The following CASP5 variants were observed in gnomAD, a reference collection of about 807,000 sequenced individuals.
CASP5 encodes caspase 5, also known as caspase-5.
Under a neutral mutation model 45.2 loss-of-function variants are expected in CASP5, and 42 were observed. That is an observed-to-expected ratio of 0.93 (90% CI 0.73 to 1.20). The LOEUF (loss-of-function observed/expected upper bound fraction) is 1.20. Among genes scored for constraint, CASP5 ranks in the 50% most tolerant of loss-of-function variants. The pLI, the probability that CASP5 is intolerant of heterozygous loss-of-function variation, is 0.00. For missense variants in CASP5, 512 were observed against 532.2 expected, an observed-to-expected ratio of 0.96 and a Z score of 0.37; for synonymous variants, 209 against 186.2, an observed-to-expected ratio of 1.12 and a Z score of -1.00.
intron 7 of CASP5, among the ~76,000 whole-genome samples, chr11:104,998,072 TA>T (rs1861545778): frequency 6.6e-6 from 1 of 152,178 alleles, no homozygotes; most frequent in African/African-American, 2.4e-5. Context: ...AGATCTTATG[TA>T]AATTATCCTT....
At position 105,005,356 on chromosome 11, in the gene CASP5, A is replaced by G. The variant is rs76900659; in HGVS notation, c.433+1727T>C. 8.3e-3 allele frequency among the ~76,000 whole-genome samples: 1,158 copies of G among 139,318 alleles called. 3 individuals carry two copies. Among genetic ancestry groups the G allele is most frequent in the African/African-American group, 0.015 (524 of 34,344 alleles). 91.4% of individuals were successfully genotyped at this position (139,318 alleles called of 152,430 possible). On this transcript the variant is annotated intron_variant, in intron 3 of 9. Transcript: ENST00000260315. ...ATCGGTATATAGTGTGTATATATAT[A>G]TGTGTGTGTGTGTGTGTGTGTGTGT...
At chr11:105,009,756 TATACAC>T (rs1414599533) in intron 1 of CASP5, among the ~76,000 whole-genome samples, 16 of 93,244 alleles carry the variant, frequency 1.7e-4, no homozygotes, top group African/African-American at 4.7e-4. Flanking sequence ...TATATATATA[TATACAC>T]ACACACACGT....
Position 105,007,254 on chromosome 11 carries a change from C to A in CASP5, c.262G>T (p.Ala88Ser). ...TTCAATGTCAGAACATCGTGTTTTG[C>A]CAAATAATTAAAAACACCATGAAGA... ...DVLHGVFNYLAKHDVLTLKEE... is the reference protein window; with the variant it reads ...DVLHGVFNYLSKHDVLTLKEE... Residue 88 changes from alanine to serine, a missense_variant, in exon 3 of 10, where the codon GCA becomes TCA. Physicochemically the swap from Ala to Ser is moderately conservative, Grantham distance 99. Transcript: ENST00000260315. The A allele has an allele frequency of 6.2e-7, 1 of 1,612,332 alleles. No individual in the cohort carries two copies. The highest frequency in any genetic ancestry group is 1.1e-5 in the South Asian group (1 of 91,030).
At chr11:105,006,331 T>C (rs1265862897) in intron 3 of CASP5, among the ~76,000 whole-genome samples, 2 of 152,198 alleles carry the variant, frequency 1.3e-5, no homozygotes, top group African/African-American at 4.8e-5. Context: ...TATACTTCAT[T>C]TGTTTATTCA....
At position 105,002,136 on chromosome 11, in the gene CASP5, A is replaced by T; in HGVS notation, c.609T>A (p.Phe203Leu). 6.2e-7 allele frequency: 1 copy of T among 1,614,158 alleles called. No individual in the cohort carries two copies. Among genetic ancestry groups the T allele is most frequent in the Non-Finnish European group, 8.5e-7 (1 of 1,180,014 alleles). Residue 203 changes from phenylalanine (F) to leucine (L), a missense_variant, in exon 5 of 10, where the codon TTT becomes TTA. By Grantham distance (22) the Phe-to-Leu change is conservative. Transcript: ENST00000260315. ...CCCCATTCCTTGCAGGCAGGTGATC[A>T]AACTTTGTATTGCATATGATGAGAG... ...RLALIICNTKFDHLPARNGAH... is the reference protein window; with the variant it reads ...RLALIICNTKLDHLPARNGAH...
chr11:105,000,986 A>G (rs1861697896), intron 5 of CASP5, among the ~76,000 whole-genome samples: 1 of 152,124 alleles, frequency 6.6e-6, no homozygotes, highest in Non-Finnish European at 1.5e-5. Context: ...TTTTCAGCTC[A>G]GCTCTTTCAC....
chr11:105,016,463 A>G (rs983089371), intron 1 of CASP5, among the ~76,000 whole-genome samples: 1 of 152,180 alleles, frequency 6.6e-6, no homozygotes, highest in Non-Finnish European at 1.5e-5. Context: ...ACCGTGTGCA[A>G]GCCGAAGCAG....
At chr11:105,018,945 A>G (rs2134762461) in intron 1 of CASP5, among the ~76,000 whole-genome samples, 1 of 151,088 alleles carries the variant, frequency 6.6e-6, no homozygotes, top group African/African-American at 2.4e-5. Flanking sequence ...CAGAAATTAT[A>G]ACAAACTATC....
At chr11:105,019,345 C>CA (rs1236750156) in intron 1 of CASP5, among the ~76,000 whole-genome samples, 1 of 149,756 alleles carries the variant, frequency 6.7e-6, no homozygotes, top group Non-Finnish European at 1.5e-5. Flanking sequence ...AAAAACCCTT[C>CA]AAAAAATTAA....
At chr11:105,009,720 CAT>C (rs199695891) in intron 1 of CASP5, among the ~76,000 whole-genome samples, 3,827 of 63,738 alleles carry the variant, frequency 0.06, 72 homozygotes, top group Non-Finnish European at 0.083. Flanking sequence ...TATATACACA[CAT>C]ATATATATAT....
chr11:104,999,902 A>G (rs973459183), intron 6 of CASP5, among the ~76,000 whole-genome samples: 4 of 152,208 alleles, frequency 2.6e-5, no homozygotes, highest in East Asian at 1.9e-4. Context: ...TTCAAGTGCA[A>G]ATTCTTCAGA....
At chr11:105,014,042 C>G (rs1267778913) in intron 1 of CASP5, among the ~76,000 whole-genome samples, 1 of 152,044 alleles carries the variant, frequency 6.6e-6, no homozygotes, top group Non-Finnish European at 1.5e-5. Context: ...CCTTATAAAC[C>G]TTCTTTTTGT....
intron 2 of CASP5, among the ~76,000 whole-genome samples, chr11:105,008,339 C>T (rs1862107916): frequency 6.6e-6 from 1 of 152,006 alleles, no homozygotes; most frequent in Admixed American, 6.6e-5. Flanking sequence ...GGAGAGAGTT[C>T]TGGATGACAG....
intron 1 of CASP5, among the ~76,000 whole-genome samples, chr11:105,021,165 G>A (rs1196511479): frequency 2.0e-5 from 3 of 150,100 alleles, no homozygotes; most frequent in East Asian, 1.9e-4. Context: ...AATTCAAGAT[G>A]GATTAAAGAC....
intron 8 of CASP5, 47 bp from the exon 9 acceptor site, chr11:104,995,889 A>G: frequency 8.4e-7 from 1 of 1,190,858 alleles, no homozygotes; most frequent in Non-Finnish European, 1.3e-6. Flanking sequence ...TTGGGTTCTC[A>G]GAATGCATCT....
At chr11:105,008,250 T>C (rs535088050) in intron 2 of CASP5, among the ~76,000 whole-genome samples, 25 of 152,236 alleles carry the variant, frequency 1.6e-4, no homozygotes, top group Admixed American at 1.2e-3. Flanking sequence ...TAGGTAATCA[T>C]TAGTTTAATG....
In CASP5 at chr11:105,021,355, C is replaced by G. The variant is rs1446040183; in HGVS notation, c.7+1775G>C. Among the ~76,000 whole-genome samples, 6 of 145,276 alleles carry G rather than the reference C, an allele frequency of 4.1e-5. No individual in the cohort carries two copies. The South Asian group carries it at 1.3e-3, about 32-fold the overall frequency. On this transcript the variant is annotated intron_variant, in intron 1 of 9. Transcript: ENST00000260315. ...GCTTCTACACAGCAAAAGAAACTACCGTCAGAGTGAACAGGCAACCTACAA... is the reference window on the plus strand; with the variant it reads ...GCTTCTACACAGCAAAAGAAACTACGGTCAGAGTGAACAGGCAACCTACAA...
At chr11:105,012,304 G>C (rs576025997) in intron 1 of CASP5, among the ~76,000 whole-genome samples, 42 of 151,744 alleles carry the variant, frequency 2.8e-4, no homozygotes, top group African/African-American at 9.9e-4. Flanking sequence ...AAAAACATAA[G>C]CCTAATAACT....
chr11:104,995,951 G>T lies in CASP5; in HGVS notation c.1207-109C>A, dbSNP rs925560916. On this transcript the variant is annotated intron_variant, in intron 8 of 9. Coordinates refer to ENST00000260315, the MANE Select transcript of CASP5 (RefSeq NM_004347.5). ...ATGAAGAGAGCTTCCAGGGTTGATA[G>T]GACCAAGCCCATGGATATTCCAACT... 1.1e-5 allele frequency: 7 copies of T among 666,242 alleles called. No homozygotes were observed. In the South Asian group the frequency reaches 1.3e-4, roughly 13 times the overall value. 41.3% of individuals were successfully genotyped at this position (666,242 alleles called of 1,614,324 possible).
Sources: allele counts gnomAD v4.1 joint callset (sites outside exome capture counted in the v4.1 genomes callset), GRCh38; gene constraint gnomAD v4.1.1; transcripts MANE v1.5; gene names NCBI Gene and HGNC (gene_info 2026-07-23, HGNC 2026-07-21).